The following UTP20 variants were observed in gnomAD, a reference collection of about 807,000 sequenced individuals.
The protein encoded by UTP20 is small subunit processome component 20 homolog.
UTP20 carries 164 observed loss-of-function variants against 329.5 expected under a neutral mutation model. The observed-to-expected ratio is 0.50, with a 90% confidence interval of 0.44 to 0.57. The LOEUF (loss-of-function observed/expected upper bound fraction) is 0.57. Among genes scored for constraint, UTP20 ranks in the 20% least tolerant of loss-of-function variants. The pLI is 0.00. For synonymous variants in UTP20, 1,151 were observed against 1,159.3 expected (o/e 0.99, Z 0.14); for missense variants, 3,055 against 3,284.2 (o/e 0.93, Z 1.71).
Position 101,352,232 on chromosome 12 carries a change from A to G in UTP20, c.5024+38A>G, listed in dbSNP as rs1330571362. 15 of 1,583,422 alleles carry G rather than the reference A, an allele frequency of 9.5e-6. No homozygotes were observed. The African/African-American group carries it at 1.9e-4, about 20-fold the overall frequency. On this transcript the variant is annotated intron_variant, in intron 39 of 61. Transcript: ENST00000261637. Reference sequence around the variant, plus strand: ...TTCTTATTTTTGTTTTGTTTTTTAAATGTAATTTATGGCTGCATAGTATTC... The same window carrying G: ...TTCTTATTTTTGTTTTGTTTTTTAAGTGTAATTTATGGCTGCATAGTATTC...
chr12:101,331,572 A>G (rs757283328), intron 27 of UTP20, among the ~76,000 whole-genome samples: 1 of 152,188 alleles, frequency 6.6e-6, no homozygotes, highest in Non-Finnish European at 1.5e-5. Flanking sequence ...TCAGCAAACT[A>G]ATGACATCCT....
In UTP20 at chr12:101,284,843, C is replaced by T. The variant is rs920788418; in HGVS notation, c.127-727C>T. On this transcript the variant is annotated intron_variant, in intron 2 of 61. Coordinates refer to ENST00000261637, the MANE Select transcript of UTP20 (RefSeq NM_014503.3). ...TTCTTCCATACTGTCCTCTCATGTT[C>T]GTATGTACAAACATTTATAGAGGGT... Among the ~76,000 whole-genome samples the T allele has an allele frequency of 3.5e-4, 53 of 152,058 alleles. 1 individual carries two copies. The highest frequency in any genetic ancestry group is 1.3e-3 in the African/African-American group (52 of 41,422).
At chr12:101,319,515 T>G (rs1565792720) in intron 22 of UTP20, 30 bp from the exon 23 acceptor site, 2 of 1,530,908 alleles carry the variant, frequency 1.3e-6, no homozygotes, top group Non-Finnish European at 1.8e-6. Context: ...TCTTTAATTC[T>G]GTAACACTCT....
At chr12:101,351,945 T>C in intron 38 of UTP20, 110 bp from the exon 39 acceptor site, 3 of 1,300,284 alleles carry the variant, frequency 2.3e-6, no homozygotes, top group Non-Finnish European at 3.2e-6. Context: ...GGACATTCTT[T>C]CTCTTCTGTA....
At chr12:101,374,260 T>G (rs958046168) in intron 54 of UTP20, among the ~76,000 whole-genome samples, 49 of 151,926 alleles carry the variant, frequency 3.2e-4, no homozygotes, top group African/African-American at 1.2e-3. Context: ...AAATAAAAAG[T>G]AATATAAAAA....
chr12:101,358,294 A>G (rs2120988618), intron 43 of UTP20, among the ~76,000 whole-genome samples: 2 of 152,334 alleles, frequency 1.3e-5, no homozygotes, highest in Middle Eastern at 6.8e-3. Context: ...ATCACCCTGT[A>G]TGGCCCTTTG....
chr12:101,386,369 G>A lies in UTP20; in HGVS notation c.*246G>A, dbSNP rs1022156244. ...CTCCTAGGCACACAACACTATGCCC[G>A]GCAAATTTTTTGTATTTTGTATTTT... is the stretch of plus-strand genomic sequence containing the variant. On this transcript the variant is annotated 3_prime_UTR_variant, in exon 62 of 62. Transcript: ENST00000261637. The A allele has an allele frequency of 9.4e-6, 3 of 319,704 alleles. No homozygotes were observed. The highest frequency in any genetic ancestry group is 1.7e-5 in the Non-Finnish European group (3 of 178,026). 19.8% of individuals were successfully genotyped at this position (319,704 alleles called of 1,614,324 possible).
At chr12:101,300,226 T>C (rs1193708165) in intron 14 of UTP20, among the ~76,000 whole-genome samples, 165 bp downstream of exon 14, 1 of 152,180 alleles carries the variant, frequency 6.6e-6, no homozygotes, top group Non-Finnish European at 1.5e-5. Flanking sequence ...GTCTCACTTG[T>C]ACCACATAAT....
intron 11 of UTP20, among the ~76,000 whole-genome samples, chr12:101,294,209 G>C (rs1177106418): frequency 6.6e-6 from 1 of 151,890 alleles, no homozygotes; most frequent in East Asian, 1.9e-4. Flanking sequence ...CTGATTTTTT[G>C]TATTTTTAGT....
At chr12:101,308,891 C>A (rs549914595) in intron 18 of UTP20, among the ~76,000 whole-genome samples, 9 of 152,264 alleles carry the variant, frequency 5.9e-5, no homozygotes, top group Admixed American at 5.2e-4. Context: ...TGCCACCACA[C>A]CTGGCTAATT....
intron 38 of UTP20, among the ~76,000 whole-genome samples, chr12:101,351,748 G>C (rs1290491864): frequency 6.6e-6 from 1 of 151,882 alleles, no homozygotes; most frequent in Non-Finnish European, 1.5e-5. Flanking sequence ...ACAATATATA[G>C]TTTTTGTCAT....
intron 22 of UTP20, among the ~76,000 whole-genome samples, chr12:101,319,213 A>C (rs756139099): frequency 2.6e-5 from 4 of 152,232 alleles, no homozygotes; most frequent in African/African-American, 4.8e-5. Flanking sequence ...GAACCTAGAC[A>C]AGGAATAATT....
intron 39 of UTP20, 131 bp downstream of exon 39, chr12:101,352,325 G>C: frequency 1.1e-6 from 1 of 913,204 alleles, no homozygotes; most frequent in South Asian, 1.7e-5. Context: ...TTGGTTCCAA[G>C]TCTTTGCTAT....
At chr12:101,330,026 G>C (rs1319830357) in intron 27 of UTP20, among the ~76,000 whole-genome samples, 1 of 151,238 alleles carries the variant, frequency 6.6e-6, no homozygotes, top group African/African-American at 2.4e-5. Flanking sequence ...AAAAAAAAGG[G>C]ACATTAAAAT....
At position 101,280,124 on chromosome 12, in the gene UTP20, T is replaced by G; in HGVS notation, c.-159T>G. On this transcript the variant is annotated 5_prime_UTR_variant, in exon 1 of 62. Coordinates refer to ENST00000261637, the MANE Select transcript of UTP20 (RefSeq NM_014503.3). The stretch of plus-strand genomic sequence containing the variant: ...TGACCCACTCAGGCTCCTCCTTGTC[T>G]CCAACATGGCGGCGCCCAGGGGCTC... The G allele has an allele frequency of 1.1e-6, 1 of 921,016 alleles. No homozygotes were observed. Among genetic ancestry groups the G allele is most frequent in the Non-Finnish European group, 1.6e-6 (1 of 619,316 alleles). The allele number at this position is 921,016 out of a possible 1,614,324, so 57.1% of individuals were successfully genotyped here. A position where few individuals can be genotyped will look rare whatever the true frequency, so the allele number is the denominator to read the frequency against.
chr12:101,303,684 G>C (rs754582798), intron 15 of UTP20, among the ~76,000 whole-genome samples: 1 of 152,180 alleles, frequency 6.6e-6, no homozygotes, highest in African/African-American at 2.4e-5. Context: ...TCACCGTAGG[G>C]CCTTGGCTTT....
At chr12:101,370,227 A>G (rs1402135422) in intron 49 of UTP20, among the ~76,000 whole-genome samples, 1 of 152,206 alleles carries the variant, frequency 6.6e-6, no homozygotes, top group Non-Finnish European at 1.5e-5. Context: ...ATAAAAAGCT[A>G]GAACCAGGAT....
intron 60 of UTP20, among the ~76,000 whole-genome samples, chr12:101,384,921 A>G (rs2121073757): frequency 6.6e-6 from 1 of 152,284 alleles, no homozygotes; most frequent in South Asian, 2.1e-4. Flanking sequence ...TCTGCCAGGC[A>G]CTAGGGATTC....
chr12:101,344,876 T>TA (rs1869266163), intron 36 of UTP20, 126 bp downstream of exon 36: 2 of 651,000 alleles, frequency 3.1e-6, no homozygotes, highest in Non-Finnish European at 4.9e-6. Context: ...CTTGGTTGAG[T>TA]AAATAGTCAC....
Sources: gnomAD v4.1 joint callset for allele counts (sites outside exome capture counted in the v4.1 genomes callset) on GRCh38, gnomAD v4.1.1 for gene constraint, MANE v1.5 for transcripts, NCBI Gene and HGNC (gene_info 2026-07-23, HGNC 2026-07-21) for gene names.